DOCK3: variants seen among roughly 807,000 people sequenced by gnomAD.
DOCK3 encodes the protein dedicator of cytokinesis protein 3.
In DOCK3, 60 loss-of-function variants were observed where a neutral mutation model predicts 265.6. The ratio of observed to expected loss-of-function variants is 0.23; its 90% CI spans 0.18 to 0.28. The LOEUF (loss-of-function observed/expected upper bound fraction) is 0.28. Among genes scored for constraint, DOCK3 ranks in the 10% least tolerant of loss-of-function variants. The probability of loss-of-function intolerance (pLI) is 1.00; values close to 1 mark genes in which losing one functional copy is unlikely to be tolerated. For missense variants in DOCK3, 1,981 were observed against 2,594.3 expected, an observed-to-expected ratio of 0.76 and a Z score of 5.14; for synonymous variants, 881 against 938.0, an observed-to-expected ratio of 0.94 and a Z score of 1.11.
chr3:51,375,641 T>C (rs1420742794), intron 50 of DOCK3, 107 bp from the exon 51 acceptor site: 1 of 1,291,040 alleles, frequency 7.7e-7, no homozygotes, highest in East Asian at 2.3e-5. Context: ...CTGCTTTGTT[T>C]TCCCCGTCTG....
At chr3:51,024,754 G>A (rs1463843233) in intron 5 of DOCK3, among the ~76,000 whole-genome samples, 1 of 152,184 alleles carries the variant, frequency 6.6e-6, no homozygotes, top group East Asian at 1.9e-4. Flanking sequence ...CCTGAATTGG[G>A]GAATGTCTGC....
chr3:51,201,363 G>A (rs1560200942), intron 12 of DOCK3, among the ~76,000 whole-genome samples: 1 of 151,850 alleles, frequency 6.6e-6, no homozygotes. Context: ...AAAAAAGGAA[G>A]GGGTTGCAAT....
At chr3:51,324,964 C>T (rs2083997294) in intron 32 of DOCK3, among the ~76,000 whole-genome samples, 1 of 152,070 alleles carries the variant, frequency 6.6e-6, no homozygotes, top group Non-Finnish European at 1.5e-5. Context: ...CCTTAAAAAC[C>T]CTAGAAGAAA....
chr3:50,700,273 C>T (rs1161616902), intron 1 of DOCK3, among the ~76,000 whole-genome samples: 4 of 152,196 alleles, frequency 2.6e-5, no homozygotes, highest in Admixed American at 6.5e-5. Flanking sequence ...GAGTGAAACT[C>T]TGTGTCAAAA....
At chr3:50,971,036 C>CAA (rs55720914) in intron 5 of DOCK3, among the ~76,000 whole-genome samples, 107,080 of 124,928 alleles carry the variant, frequency 0.86, 46,601 homozygotes, top group East Asian at 0.95. Flanking sequence ...CACTATGTTT[C>CAA]CCATGCTGGT....
At chr3:50,996,889 C>T (rs914076854) in intron 5 of DOCK3, among the ~76,000 whole-genome samples, 1 of 152,196 alleles carries the variant, frequency 6.6e-6, no homozygotes, top group Non-Finnish European at 1.5e-5. Context: ...CACCTCTTTT[C>T]TATTTGCCCA....
chr3:50,757,014 C>T (rs2040199531), intron 1 of DOCK3, among the ~76,000 whole-genome samples: 1 of 152,028 alleles, frequency 6.6e-6, no homozygotes, highest in South Asian at 2.1e-4. Context: ...GTACACCTCA[C>T]CACACCTGGC....
chr3:51,343,530 A>T (rs1402622069), intron 38 of DOCK3, among the ~76,000 whole-genome samples: 1 of 152,246 alleles, frequency 6.6e-6, no homozygotes, highest in African/African-American at 2.4e-5. Context: ...AACAAGGACA[A>T]AAAGTAGTAG....
chr3:50,787,942 G>T, intron 2 of DOCK3: 2 of 1,000,492 alleles, frequency 2.0e-6, no homozygotes, highest in Non-Finnish European at 3.1e-6. Flanking sequence ...GCTCCCTTTT[G>T]TAAAAGACTT....
chr3:51,227,862 G>A, intron 16 of DOCK3, 120 bp from the exon 17 acceptor site: 1 of 945,716 alleles, frequency 1.1e-6, no homozygotes, highest in Non-Finnish European at 1.6e-6. Flanking sequence ...CAGTCAGGTT[G>A]CCACCTAGTT....
chr3:51,263,593 G>A (rs955686705), intron 23 of DOCK3, among the ~76,000 whole-genome samples: 9 of 152,166 alleles, frequency 5.9e-5, no homozygotes, highest in Non-Finnish European at 1.2e-4. Flanking sequence ...ATGTAAATGG[G>A]CTAAATGCCC....
At chr3:50,852,837 C>A (rs774459770) in intron 3 of DOCK3, among the ~76,000 whole-genome samples, 1 of 151,994 alleles carries the variant, frequency 6.6e-6, no homozygotes, top group South Asian at 2.1e-4. Flanking sequence ...ATATACAATT[C>A]TAGGTGAAAA....
chr3:50,718,648 T>C (rs567184217), intron 1 of DOCK3, among the ~76,000 whole-genome samples: 3 of 152,300 alleles, frequency 2.0e-5, no homozygotes, highest in African/African-American at 7.2e-5. Context: ...ATTATATTTC[T>C]GAATTAATCT....
chr3:50,871,097 G>T (rs1043058930), intron 3 of DOCK3, among the ~76,000 whole-genome samples: 2 of 151,944 alleles, frequency 1.3e-5, no homozygotes, highest in Non-Finnish European at 2.9e-5. Flanking sequence ...TAGTATTACC[G>T]ATGAGTTTCG....
intron 1 of DOCK3, among the ~76,000 whole-genome samples, chr3:50,679,167 T>C (rs2034209040): frequency 6.6e-6 from 1 of 152,240 alleles, no homozygotes; most frequent in East Asian, 1.9e-4. Context: ...AGTGACATGG[T>C]CTTGCTATGT....
intron 9 of DOCK3, 106 bp downstream of exon 9, chr3:51,090,490 A>T (rs1317454463): frequency 3.3e-6 from 4 of 1,210,780 alleles, no homozygotes; most frequent in Non-Finnish European, 4.4e-6. Flanking sequence ...GCAAAACAAG[A>T]TAAAGTAACC....
intron 4 of DOCK3, among the ~76,000 whole-genome samples, chr3:50,928,824 G>A (rs951755890): frequency 2.6e-5 from 4 of 152,172 alleles, no homozygotes; most frequent in Admixed American, 6.5e-5. Flanking sequence ...ACAGTGGTAC[G>A]AAAGTCATAT....
At chr3:50,885,705 G>A (rs572381063) in intron 3 of DOCK3, among the ~76,000 whole-genome samples, 2 of 152,256 alleles carry the variant, frequency 1.3e-5, no homozygotes, top group South Asian at 4.1e-4. Flanking sequence ...CCACTGTGTG[G>A]TGGGAGCTTG....
chr3:51,249,128 G>C lies in DOCK3; in HGVS notation c.2184+2321G>C, dbSNP rs1348426329. 2.0e-5 allele frequency among the ~76,000 whole-genome samples: 3 copies of C among 148,518 alleles called. No individual in the cohort carries two copies. The East Asian group carries it at 6.2e-4, about 31-fold the overall frequency. On this transcript the variant is annotated intron_variant, in intron 22 of 52. Coordinates refer to ENST00000266037, the MANE Select transcript of DOCK3 (RefSeq NM_004947.5). ...GGGGGGTCAGCCCCCCGCCAGGCCA[G>C]CCGCCCCGTCCGGGAGGGAGGTGGG...
Sources: allele counts gnomAD v4.1 joint callset (sites outside exome capture counted in the v4.1 genomes callset), GRCh38; gene constraint gnomAD v4.1.1; transcripts MANE v1.5; gene names NCBI Gene and HGNC (gene_info 2026-07-23, HGNC 2026-07-21).